The following CDK19 variants were observed in gnomAD, a reference collection of about 807,000 sequenced individuals.
CDK19 encodes the protein cyclin-dependent kinase 19.
CDK19 carries 20 observed loss-of-function variants against 68.3 expected under a neutral mutation model. That is an observed-to-expected ratio of 0.29 (90% CI 0.21 to 0.43). The LOEUF (loss-of-function observed/expected upper bound fraction) is 0.43. Among genes scored for constraint, CDK19 ranks in the 20% least tolerant of loss-of-function variants. The probability of loss-of-function intolerance (pLI) is 1.00; values close to 1 mark genes in which losing one functional copy is unlikely to be tolerated. For missense variants in CDK19, 339 were observed against 623.5 expected (o/e 0.54, Z 4.86); for synonymous variants, 221 against 222.8 (o/e 0.99, Z 0.07).
intron 2 of CDK19, among the ~76,000 whole-genome samples, chr6:110,679,625 A>C (rs564453127): frequency 6.6e-6 from 1 of 152,142 alleles, no homozygotes; most frequent in African/African-American, 2.4e-5. Flanking sequence ...AACATAAAAA[A>C]TTTTTTTAAA....
At chr6:110,721,539 TCCCAA>T (rs1361339196) in intron 2 of CDK19, among the ~76,000 whole-genome samples, 3 of 152,178 alleles carry the variant, frequency 2.0e-5, no homozygotes, top group Non-Finnish European at 4.4e-5. Context: ...ATAAAAGGAT[TCCCAA>T]GGCCCATTAG....
intron 4 of CDK19, among the ~76,000 whole-genome samples, chr6:110,666,874 C>T: frequency 6.6e-6 from 1 of 152,044 alleles, no homozygotes; most frequent in East Asian, 1.9e-4. Flanking sequence ...GCAATATAAT[C>T]TGATATCAGT....
intron 1 of CDK19, among the ~76,000 whole-genome samples, chr6:110,775,008 G>A (rs1780295254): frequency 6.6e-6 from 1 of 151,948 alleles, no homozygotes; most frequent in South Asian, 2.1e-4. Flanking sequence ...AGCACTTTGG[G>A]AGGCCGAGGC....
At chr6:110,804,826 A>G (rs1268907780) in intron 1 of CDK19, among the ~76,000 whole-genome samples, 8 of 151,680 alleles carry the variant, frequency 5.3e-5, no homozygotes, top group Non-Finnish European at 1.2e-4. Context: ...CGTGGTGGCG[A>G]GCGTCTGTAG....
chr6:110,628,499 G>T (rs1779232368), intron 6 of CDK19, among the ~76,000 whole-genome samples: 1 of 152,134 alleles, frequency 6.6e-6, no homozygotes, highest in Non-Finnish European at 1.5e-5. Context: ...ATCTTCCTGG[G>T]ATGTGAATCA....
At chr6:110,649,417 A>G (rs186407150) in intron 4 of CDK19, among the ~76,000 whole-genome samples, 6 of 152,284 alleles carry the variant, frequency 3.9e-5, no homozygotes, top group Admixed American at 3.9e-4. Flanking sequence ...AAACTTTTGG[A>G]AAAAAATATA....
At chr6:110,662,820 G>A (rs1205832128) in intron 4 of CDK19, among the ~76,000 whole-genome samples, 1 of 151,990 alleles carries the variant, frequency 6.6e-6, no homozygotes, top group Admixed American at 6.6e-5. Context: ...ATAGACTTAT[G>A]CCTCTACTTC....
chr6:110,617,399 C>T (rs944985204), intron 12 of CDK19, among the ~76,000 whole-genome samples: 1 of 152,018 alleles, frequency 6.6e-6, no homozygotes, highest in African/African-American at 2.4e-5. Context: ...TTGGGTTTCC[C>T]CCTCAGTCTA....
In CDK19 at chr6:110,798,645, A is replaced by G. The variant is rs59703862; in HGVS notation, c.128+16364T>C. 5.9e-5 allele frequency among the ~76,000 whole-genome samples: 9 copies of G among 151,342 alleles called. No individual in the cohort carries two copies. The East Asian group carries it at 1.2e-3, about 20-fold the overall frequency. The stretch of plus-strand genomic sequence containing the variant: ...TGTCTCCAGAAAAAAAAAAAAAAAA[A>G]AAAAGAAAGAAAGAAACTTCCCAGG... On this transcript the variant is annotated intron_variant, in intron 1 of 12. Coordinates refer to ENST00000368911, the MANE Select transcript of CDK19 (RefSeq NM_015076.5).
intron 4 of CDK19, among the ~76,000 whole-genome samples, chr6:110,642,603 A>G (rs892560676): frequency 6.6e-6 from 1 of 152,224 alleles, no homozygotes; most frequent in African/African-American, 2.4e-5. Flanking sequence ...CAAATCTGCT[A>G]TTATGGCTGA....
At chr6:110,738,355 C>CA (rs200305300) in intron 2 of CDK19, among the ~76,000 whole-genome samples, 22,822 of 127,738 alleles carry the variant, frequency 0.18, 1,928 homozygotes, top group East Asian at 0.34. Context: ...GCTAAAAATA[C>CA]AAAAAAAAAA....
intron 2 of CDK19, among the ~76,000 whole-genome samples, chr6:110,707,896 CG>C (rs1774642183): frequency 6.6e-6 from 1 of 152,030 alleles, no homozygotes; most frequent in South Asian, 2.1e-4. Context: ...CTCTTGAACC[CG>C]GGAGGCAGAG....
chr6:110,632,002 G>A (rs762992838), intron 6 of CDK19, 28 bp downstream of exon 6: 1 of 1,578,070 alleles, frequency 6.3e-7, no homozygotes, highest in Non-Finnish European at 8.6e-7. Context: ...TAGATGACAA[G>A]ATAGTAAATC....
chr6:110,674,854 A>T (rs1477502282), intron 2 of CDK19, among the ~76,000 whole-genome samples: 2 of 151,380 alleles, frequency 1.3e-5, no homozygotes, highest in Non-Finnish European at 2.9e-5. Context: ...GTGAGCTGAG[A>T]TTATGCCAAT....
chr6:110,675,952 T>C (rs1455903493), intron 2 of CDK19, among the ~76,000 whole-genome samples: 1 of 152,174 alleles, frequency 6.6e-6, no homozygotes, highest in East Asian at 1.9e-4. Flanking sequence ...CTTTAACAAA[T>C]ACATTTCATG....
At chr6:110,749,109 T>A (rs1390476868) in intron 1 of CDK19, among the ~76,000 whole-genome samples, 1 of 152,212 alleles carries the variant, frequency 6.6e-6, no homozygotes, top group Admixed American at 6.5e-5. Flanking sequence ...AACTGCATAT[T>A]GAAATTAATC....
chr6:110,629,282 C>T (rs887092708), intron 6 of CDK19, among the ~76,000 whole-genome samples: 3 of 152,178 alleles, frequency 2.0e-5, no homozygotes, highest in Non-Finnish European at 2.9e-5. Flanking sequence ...GGCCATCTGG[C>T]TCCTGCACCA....
intron 1 of CDK19, among the ~76,000 whole-genome samples, chr6:110,781,936 G>A (rs75656175): frequency 1.2e-4 from 16 of 135,246 alleles, no homozygotes; most frequent in South Asian, 5.0e-4. Flanking sequence ...CTCCCTCACC[G>A]CAATCCCAAT....
At chr6:110,623,247 T>C (rs762573200) in intron 9 of CDK19, 43 bp downstream of exon 9, 4 of 1,513,268 alleles carry the variant, frequency 2.6e-6, no homozygotes, top group Non-Finnish European at 3.7e-6. Flanking sequence ...AAGGCGAGAT[T>C]TGTGCTGAGA....
Sources: allele counts gnomAD v4.1 joint callset (sites outside exome capture counted in the v4.1 genomes callset), GRCh38; gene constraint gnomAD v4.1.1; transcripts MANE v1.5; gene names NCBI Gene and HGNC (gene_info 2026-07-23, HGNC 2026-07-21).